The following EGFR variants were observed in gnomAD, a reference collection of about 807,000 sequenced individuals.
EGFR encodes epidermal growth factor receptor.
EGFR carries 58 observed loss-of-function variants against 143.0 expected under a neutral mutation model. That is an observed-to-expected ratio of 0.41 (90% CI 0.33 to 0.50). The LOEUF (loss-of-function observed/expected upper bound fraction) is 0.50, where lower values mean the gene tolerates loss of function less well. EGFR is among the 20% of genes least tolerant of loss of function. The pLI is 0.39. For synonymous variants in EGFR, 613 were observed against 594.4 expected (o/e 1.03, Z -0.45); for missense variants, 1,307 against 1,579.0 (o/e 0.83, Z 2.92).
intron 1 of EGFR, among the ~76,000 whole-genome samples, chr7:55,023,294 A>C (rs564446132): frequency 1.3e-3 from 205 of 152,234 alleles, no homozygotes; most frequent in Admixed American, 2.4e-3. Context: ...GTGTTGAGAA[A>C]ATTTCAAAGT....
chr7:55,108,526 A>G (rs17289399), intron 1 of EGFR, among the ~76,000 whole-genome samples: 5 of 152,246 alleles, frequency 3.3e-5, no homozygotes, highest in Admixed American at 3.3e-4. Context: ...TGAGTTTTAC[A>G]TGCTACATTT....
At position 55,211,427 on chromosome 7, in the gene EGFR, T is replaced by C. The variant is rs1788233589; in HGVS notation, c.*5810T>C. 6.6e-6 allele frequency: 1 copy of C among 152,238 alleles called. No individual in the cohort carries two copies. Among genetic ancestry groups the C allele is most frequent in the East Asian group, 1.9e-4 (1 of 5,200 alleles). 9.4% of individuals were successfully genotyped at this position (152,238 alleles called of 1,614,324 possible). On this transcript the variant is annotated 3_prime_UTR_variant, in exon 28 of 28. Coordinates refer to ENST00000275493, the MANE Select transcript of EGFR (RefSeq NM_005228.5). Reference sequence around the variant, plus strand: ...GCAATAGCTTTATAGCTTCAACATATGGTACGTTTTAACCTTGAAAGTTTT... The same window carrying C: ...GCAATAGCTTTATAGCTTCAACATACGGTACGTTTTAACCTTGAAAGTTTT...
chr7:55,056,330 T>C (rs1162238537), intron 1 of EGFR, among the ~76,000 whole-genome samples: 2 of 152,220 alleles, frequency 1.3e-5, no homozygotes, highest in Non-Finnish European at 2.9e-5. Flanking sequence ...CCAATACTAT[T>C]TATAGAATTT....
Position 55,156,588 on chromosome 7 carries a change from G to T in EGFR, c.1062G>T (p.Thr354=), listed in dbSNP as rs1241234498. The change falls in exon 9 of 28, where the codon ACG becomes ACT. Residue 354 remains threonine, a synonymous_variant. Coordinates refer to ENST00000275493, the MANE Select transcript of EGFR (RefSeq NM_005228.5). ...AAGACTCACTCTCCATAAATGCTAC[G>T]AATATTAAACACTTCAAAAACTGCA... ...EFKDSLSINA[T]NIKHFKNCTS... The T allele has an allele frequency of 6.2e-7, 1 of 1,614,220 alleles. No individual in the cohort carries two copies.
At chr7:55,111,829 C>T (rs544490663) in intron 1 of EGFR, among the ~76,000 whole-genome samples, 107 of 152,220 alleles carry the variant, frequency 7.0e-4, no homozygotes, top group Admixed American at 2.7e-3. Flanking sequence ...TTAATGGAGA[C>T]CTTTTTGAAA....
intron 1 of EGFR, among the ~76,000 whole-genome samples, chr7:55,134,879 C>T (rs1250333690): frequency 6.6e-6 from 1 of 152,204 alleles, no homozygotes; most frequent in African/African-American, 2.4e-5. Context: ...CTCAGTACTG[C>T]TCACAACTGC....
chr7:55,081,572 C>T (rs1267786240), intron 1 of EGFR, among the ~76,000 whole-genome samples: 2 of 152,162 alleles, frequency 1.3e-5, no homozygotes, highest in East Asian at 1.9e-4. Context: ...TTCTGCCCCT[C>T]GGTCTCTCCA....
Position 55,174,755 on chromosome 7 carries a change from A to G in EGFR, c.2218A>G (p.Ile740Val), listed in dbSNP as rs747133806. The G allele has an allele frequency of 1.2e-6, 2 of 1,614,056 alleles. No homozygotes were observed. The highest frequency in any genetic ancestry group is 1.7e-6 in the Non-Finnish European group (2 of 1,179,960). ...LWIPEGEKVK[I>V]PVAIKELREA... is the part of the protein sequence containing the mutation. ...GATCCCAGAAGGTGAGAAAGTTAAA[A>G]TTCCCGTCGCTATCAAGGAATTAAG... Residue 740 changes from isoleucine (I) to valine (V), a missense_variant, in exon 19 of 28, where the codon ATT becomes GTT. Transcript: ENST00000275493.
At chr7:55,131,092 A>G (rs1301034902) in intron 1 of EGFR, among the ~76,000 whole-genome samples, 2 of 152,186 alleles carry the variant, frequency 1.3e-5, no homozygotes, top group African/African-American at 4.8e-5. Flanking sequence ...CAGGAGTCAC[A>G]GGTACATGAG....
At chr7:55,158,008 C>T (rs1390186857) in intron 11 of EGFR, among the ~76,000 whole-genome samples, 1 of 152,234 alleles carries the variant, frequency 6.6e-6, no homozygotes, top group Non-Finnish European at 1.5e-5. Context: ...CCACATTGCA[C>T]TTAGTTGTCA....
Position 55,206,047 on chromosome 7 carries a change from A to G in EGFR, c.*430A>G. 2 of 357,006 alleles carry G rather than the reference A, an allele frequency of 5.6e-6. No individual in the cohort carries two copies. Among genetic ancestry groups the G allele is most frequent in the South Asian group, 3.6e-5 (1 of 27,436 alleles). The allele number at this position is 357,006 out of a possible 1,614,324, so 22.1% of individuals were successfully genotyped here. A position where few individuals can be genotyped will look rare whatever the true frequency, so the allele number is the denominator to read the frequency against. ...GCTACCCTGAGTTCATCCAGGCCCA[A>G]CTGTGAGCAAGGAGCACAAGCCACA... On this transcript the variant is annotated 3_prime_UTR_variant, in exon 28 of 28. Coordinates refer to ENST00000275493, the MANE Select transcript of EGFR (RefSeq NM_005228.5).
At chr7:55,179,238 T>A (rs779730105) in intron 19 of EGFR, among the ~76,000 whole-genome samples, 12 of 152,242 alleles carry the variant, frequency 7.9e-5, no homozygotes, top group Non-Finnish European at 1.5e-4. Context: ...AAGCAGTGGC[T>A]CTTCAGCTTC....
intron 8 of EGFR, among the ~76,000 whole-genome samples, 170 bp from the exon 9 acceptor site, chr7:55,156,363 C>T (rs1201183605): frequency 6.6e-6 from 1 of 152,188 alleles, no homozygotes; most frequent in Admixed American, 6.5e-5. Flanking sequence ...CCCCCCTTCC[C>T]GCCTGCACTC....
intron 1 of EGFR, among the ~76,000 whole-genome samples, chr7:55,036,271 T>TGTGTG (rs1414370413): frequency 6.3e-4 from 14 of 22,400 alleles, no homozygotes; most frequent in South Asian, 1.5e-3. Flanking sequence ...TGTGTGTGTG[T>TGTGTG]GGGGGGGGGG....
At chr7:55,089,161 T>TA (rs1790950369) in intron 1 of EGFR, among the ~76,000 whole-genome samples, 1 of 152,250 alleles carries the variant, frequency 6.6e-6, no homozygotes, top group Admixed American at 6.5e-5. Context: ...TGCTTTTTTT[T>TA]AACTTAATTT....
At chr7:55,157,415 A>C (rs1417523768) in intron 10 of EGFR, among the ~76,000 whole-genome samples, 2 of 151,986 alleles carry the variant, frequency 1.3e-5, no homozygotes, top group African/African-American at 4.9e-5. Flanking sequence ...TCAGGGCCAC[A>C]GCCAGGGGGG....
At chr7:55,078,590 C>T (rs558520554) in intron 1 of EGFR, among the ~76,000 whole-genome samples, 9 of 152,210 alleles carry the variant, frequency 5.9e-5, no homozygotes, top group Non-Finnish European at 1.3e-4. Flanking sequence ...TCCACGTGCA[C>T]TTGTCAGGGT....
At chr7:55,203,996 A>G (rs1787988753) in intron 27 of EGFR, among the ~76,000 whole-genome samples, 1 of 151,214 alleles carries the variant, frequency 6.6e-6, no homozygotes, top group Non-Finnish European at 1.5e-5. Context: ...ATTTAGATAT[A>G]TAACATATGT....
intron 1 of EGFR, among the ~76,000 whole-genome samples, 180 bp downstream of exon 1, chr7:55,019,545 C>T (rs963003105): frequency 1.3e-5 from 2 of 152,208 alleles, no homozygotes; most frequent in African/African-American, 2.4e-5. Context: ...ACGTTTCGTT[C>T]TTCGGCCGGG....
Sources: gnomAD v4.1 joint callset for allele counts (sites outside exome capture counted in the v4.1 genomes callset) on GRCh38, gnomAD v4.1.1 for gene constraint, MANE v1.5 for transcripts, NCBI Gene and HGNC (gene_info 2026-07-23, HGNC 2026-07-21) for gene names.